Variants in ATRNL1 observed in about 807,000 individuals in gnomAD.
The protein encoded by ATRNL1 is attractin like 1.
A neutral mutation model predicts 182.7 loss-of-function variants in ATRNL1; 95 were observed. That is an observed-to-expected ratio of 0.52 (90% CI 0.44 to 0.62). The LOEUF (loss-of-function observed/expected upper bound fraction) is 0.62. ATRNL1 is among the 20% of genes least tolerant of loss of function. The probability of loss-of-function intolerance (pLI) is 0.00; values close to 1 mark genes in which losing one functional copy is unlikely to be tolerated. For synonymous variants in ATRNL1, 576 were observed against 568.3 expected (o/e 1.01, Z -0.19); for missense variants, 1,471 against 1,679.5 (o/e 0.88, Z 2.17).
At chr10:115,493,279 C>T (rs1220026323) in intron 24 of ATRNL1, among the ~76,000 whole-genome samples, 1 of 152,120 alleles carries the variant, frequency 6.6e-6, no homozygotes, top group Non-Finnish European at 1.5e-5. Flanking sequence ...TCTCCATCCT[C>T]AGATAGGCCC....
intron 27 of ATRNL1, among the ~76,000 whole-genome samples, chr10:115,844,802 G>A (rs1555098307): frequency 6.6e-6 from 1 of 151,976 alleles, no homozygotes; most frequent in African/African-American, 2.4e-5. Context: ...ACAAACCCAG[G>A]CCTTATCTCT....
At chr10:115,232,483 A>G (rs1554900237) in intron 9 of ATRNL1, among the ~76,000 whole-genome samples, 1 of 152,000 alleles carries the variant, frequency 6.6e-6, no homozygotes. Flanking sequence ...TTTTGCCAAC[A>G]TTTTATCTCT....
chr10:115,566,653 C>A (rs1555001978), intron 26 of ATRNL1, among the ~76,000 whole-genome samples: 1 of 152,026 alleles, frequency 6.6e-6, no homozygotes, highest in African/African-American at 2.4e-5. Flanking sequence ...CCTCTATGGA[C>A]TACTTTAGGT....
At chr10:115,126,161 G>A (rs1429845244) in intron 3 of ATRNL1, among the ~76,000 whole-genome samples, 5 of 152,082 alleles carry the variant, frequency 3.3e-5, no homozygotes, top group African/African-American at 7.2e-5. Context: ...AGGTTCAAGC[G>A]ATTCTCCTGC....
intron 26 of ATRNL1, among the ~76,000 whole-genome samples, chr10:115,697,954 G>T (rs1191821665): frequency 2.0e-5 from 3 of 152,146 alleles, no homozygotes; most frequent in African/African-American, 7.2e-5. Flanking sequence ...ACTCTAAATT[G>T]TTCCACTTTT....
intron 21 of ATRNL1, among the ~76,000 whole-genome samples, chr10:115,428,977 A>G (rs1212067582): frequency 6.6e-6 from 1 of 152,144 alleles, no homozygotes; most frequent in African/African-American, 2.4e-5. Context: ...TTTTGATACT[A>G]GAAATTTCAT....
chr10:115,153,972 G>C (rs1284648827), intron 5 of ATRNL1, among the ~76,000 whole-genome samples: 1 of 151,538 alleles, frequency 6.6e-6, no homozygotes. Context: ...TATGTACCCA[G>C]TAGTCATTCA....
chr10:115,122,844 T>A (rs1844804434), intron 3 of ATRNL1, among the ~76,000 whole-genome samples: 1 of 152,126 alleles, frequency 6.6e-6, no homozygotes, highest in Non-Finnish European at 1.5e-5. Flanking sequence ...CTAAGGACAA[T>A]AGAGAGAAAA....
At chr10:115,609,274 A>G (rs962969681) in intron 26 of ATRNL1, among the ~76,000 whole-genome samples, 1 of 152,118 alleles carries the variant, frequency 6.6e-6, no homozygotes, top group African/African-American at 2.4e-5. Flanking sequence ...ATGATGTGGA[A>G]TACACTGAGT....
intron 8 of ATRNL1, among the ~76,000 whole-genome samples, chr10:115,200,028 T>C: frequency 6.6e-6 from 1 of 152,206 alleles, no homozygotes; most frequent in South Asian, 2.1e-4. Flanking sequence ...GGGTGTGCAG[T>C]GGACCAGAGT....
intron 9 of ATRNL1, among the ~76,000 whole-genome samples, chr10:115,226,492 T>C (rs1470146474): frequency 1.3e-5 from 2 of 151,904 alleles, no homozygotes; most frequent in East Asian, 1.9e-4. Context: ...AAAATGGCTA[T>C]ACTGGCCAAA....
At chr10:115,806,066 T>C (rs1935595195) in intron 27 of ATRNL1, among the ~76,000 whole-genome samples, 1 of 152,148 alleles carries the variant, frequency 6.6e-6, no homozygotes, top group Non-Finnish European at 1.5e-5. Flanking sequence ...TAATAACCTG[T>C]AGATGGGAAT....
chr10:115,258,873 C>T (rs1047030944), intron 10 of ATRNL1, among the ~76,000 whole-genome samples: 2 of 152,138 alleles, frequency 1.3e-5, no homozygotes, highest in African/African-American at 4.8e-5. Context: ...CAGTCAGGTC[C>T]CTCAGCTGCA....
chr10:115,629,994 T>C (rs1858373942), intron 26 of ATRNL1, among the ~76,000 whole-genome samples: 1 of 152,160 alleles, frequency 6.6e-6, no homozygotes, highest in Non-Finnish European at 1.5e-5. Context: ...CCCTTTTCAT[T>C]TTGTTTCCTG....
At chr10:115,576,564 C>G (rs781879782) in intron 26 of ATRNL1, among the ~76,000 whole-genome samples, 2 of 152,038 alleles carry the variant, frequency 1.3e-5, no homozygotes, top group Admixed American at 1.3e-4. Context: ...CATTCTTTCC[C>G]CTTTTTAAAA....
At chr10:115,370,743 C>T (rs1486275508) in intron 19 of ATRNL1, among the ~76,000 whole-genome samples, 1 of 152,178 alleles carries the variant, frequency 6.6e-6, no homozygotes, top group Admixed American at 6.5e-5. Flanking sequence ...TAGAAAAGAA[C>T]ATCCCATTTT....
chr10:115,784,942 A>G (rs148054582), intron 27 of ATRNL1, among the ~76,000 whole-genome samples: 1 of 152,280 alleles, frequency 6.6e-6, no homozygotes, highest in East Asian at 1.9e-4. Flanking sequence ...GGTTCCCCCA[A>G]ATTAAGTTCT....
At chr10:115,691,940 C>T (rs1448733223) in intron 26 of ATRNL1, among the ~76,000 whole-genome samples, 2 of 151,976 alleles carry the variant, frequency 1.3e-5, no homozygotes, top group Non-Finnish European at 2.9e-5. Context: ...TTGTTTCCTT[C>T]GCTTTGCAGA....
chr10:115,637,844 C>G (rs568364940), intron 26 of ATRNL1, among the ~76,000 whole-genome samples: 4 of 151,832 alleles, frequency 2.6e-5, no homozygotes, highest in East Asian at 3.9e-4. Context: ...AGGATGGTCT[C>G]GAACTCCTGA....
Sources: allele counts gnomAD v4.1 joint callset (sites outside exome capture counted in the v4.1 genomes callset), GRCh38; gene constraint gnomAD v4.1.1; transcripts MANE v1.5; gene names NCBI Gene and HGNC (gene_info 2026-07-23, HGNC 2026-07-21).